Variants in PCDH15 observed in about 807,000 individuals in gnomAD.
The protein encoded by PCDH15 is protocadherin related 15.
A neutral mutation model predicts 178.5 loss-of-function variants in PCDH15; 129 were observed. The ratio of observed to expected loss-of-function variants is 0.72; its 90% CI spans 0.63 to 0.84. The LOEUF is 0.84. Ranked by LOEUF, PCDH15 falls within the 40% of genes least tolerant of loss-of-function variation. The pLI, the probability that PCDH15 is intolerant of heterozygous loss-of-function variation, is 0.00. For synonymous variants in PCDH15, 800 were observed against 732.0 expected, an observed-to-expected ratio of 1.09 and a Z score of -1.50; for missense variants, 2,230 against 2,099.9, an observed-to-expected ratio of 1.06 and a Z score of -1.21.
rs746314678 is a variant in PCDH15 at position 54,020,220 on chromosome 10, C to A, written c.2723G>T (p.Gly908Val). Reference protein sequence around the residue: ...AFDIYGTMPPGIATVTVIVKD... With the variant: ...AFDIYGTMPPVIATVTVIVKD... ...TACAATCACTGTGACAGTAGCAATA[C>A]CAGGTGGCATTGTTCCATAAATATC... is the stretch of plus-strand genomic sequence containing the variant. The change falls in exon 20 of 38, where the codon GGT (glycine) becomes GTT (valine). Residue 908 changes from glycine to valine, a missense_variant. Gly to Val is a moderately radical substitution (Grantham distance 109, BLOSUM62 -3). Coordinates refer to ENST00000644397, the MANE Select transcript of PCDH15 (RefSeq NM_001384140.1). The A allele has an allele frequency of 6.2e-7, 1 of 1,613,626 alleles. No homozygotes were observed. The highest frequency in any genetic ancestry group is 1.1e-5 in the South Asian group (1 of 91,066).
chr10:55,008,769 G>T (rs766562595), intron 2 of PCDH15, among the ~76,000 whole-genome samples: 3 of 152,008 alleles, frequency 2.0e-5, no homozygotes, highest in African/African-American at 4.8e-5. Context: ...CTGTGTTGGT[G>T]ATTAGTCAAA....
Position 53,823,310 on chromosome 10 carries a change from G to A in PCDH15, c.4368-3080C>T. ...CTTGTTGATGTTTCCTGTCTTCTGA[G>A]ACTGAGTTATTTCCCCTGCTTTGTT... On this transcript the variant is annotated intron_variant, in intron 32 of 37. Transcript: ENST00000644397. 6.2e-6 allele frequency: 10 copies of A among 1,613,900 alleles called. No homozygotes were observed. Among genetic ancestry groups the A allele is most frequent in the Non-Finnish European group, 8.5e-6 (10 of 1,179,868 alleles).
chr10:54,914,786 C>G (rs918166668), intron 2 of PCDH15, among the ~76,000 whole-genome samples: 2 of 152,232 alleles, frequency 1.3e-5, no homozygotes, highest in African/African-American at 4.8e-5. Flanking sequence ...TTGGGATAAC[C>G]AAAACCCTTC....
intron 16 of PCDH15, among the ~76,000 whole-genome samples, chr10:54,081,029 T>C (rs1026634962): frequency 6.6e-6 from 1 of 152,176 alleles, no homozygotes; most frequent in African/African-American, 2.4e-5. Context: ...ATTATCTATA[T>C]TCCTCCTTGT....
chr10:54,850,889 T>G (rs977812606), intron 3 of PCDH15, among the ~76,000 whole-genome samples: 2 of 152,156 alleles, frequency 1.3e-5, no homozygotes, highest in African/African-American at 4.8e-5. Context: ...ACTAAAATGT[T>G]GATTTCTAAC....
intron 3 of PCDH15, among the ~76,000 whole-genome samples, chr10:54,516,229 G>A (rs904494523): frequency 3.9e-5 from 6 of 152,128 alleles, no homozygotes; most frequent in African/African-American, 1.4e-4. Context: ...GACGAGTTGA[G>A]AGAAGAAGGC....
chr10:54,734,915 A>C (rs1361018258), intron 1 of PCDH15, among the ~76,000 whole-genome samples: 1 of 152,030 alleles, frequency 6.6e-6, no homozygotes, highest in Non-Finnish European at 1.5e-5. Context: ...TGGGGTAATG[A>C]AACTATTTCA....
At chr10:54,397,690 G>T (rs548383595) in intron 3 of PCDH15, among the ~76,000 whole-genome samples, 1 of 151,950 alleles carries the variant, frequency 6.6e-6, no homozygotes, top group South Asian at 2.1e-4. Flanking sequence ...AATGGCAAAG[G>T]TATAAATAAT....
chr10:53,971,954 G>C (rs2089731599), intron 21 of PCDH15, among the ~76,000 whole-genome samples: 1 of 88,160 alleles, frequency 1.1e-5, no homozygotes, highest in Non-Finnish European at 2.4e-5. Context: ...ATTTCATATG[G>C]AACCAAAAAA....
At chr10:54,430,110 C>A (rs1956791633) in intron 3 of PCDH15, among the ~76,000 whole-genome samples, 1 of 140,316 alleles carries the variant, frequency 7.1e-6, no homozygotes, top group Admixed American at 7.6e-5. Context: ...GGCTGGAGTG[C>A]AACTGTGTGA....
At chr10:55,323,379 T>A (rs902979553), upstream of PCDH15, among the ~76,000 whole-genome samples, 2 of 152,156 alleles carry the variant, frequency 1.3e-5, no homozygotes, top group African/African-American at 2.4e-5. Context: ...GAATGGTAGA[T>A]CCACTGACAG....
chr10:54,969,077 C>G (rs1838866731), intron 2 of PCDH15, among the ~76,000 whole-genome samples: 1 of 127,662 alleles, frequency 7.8e-6, no homozygotes, highest in Admixed American at 8.2e-5. Flanking sequence ...AGGTCTGTTT[C>G]TATTATTTTT....
chr10:54,180,257 T>G (rs1053266529), intron 13 of PCDH15, among the ~76,000 whole-genome samples: 3 of 152,194 alleles, frequency 2.0e-5, no homozygotes, highest in Admixed American at 6.5e-5. Context: ...GAGACATATA[T>G]AAAGTCAGAA....
At chr10:55,486,542 C>T (rs1183744446) in intron 2 of PCDH15, among the ~76,000 whole-genome samples, 1 of 151,408 alleles carries the variant, frequency 6.6e-6, no homozygotes, top group African/African-American at 2.4e-5. Context: ...TTTCTGGAGA[C>T]ATGAATTAGT....
chr10:54,611,363 A>G (rs935916051), intron 2 of PCDH15, among the ~76,000 whole-genome samples: 1 of 151,908 alleles, frequency 6.6e-6, no homozygotes, highest in Non-Finnish European at 1.5e-5. Flanking sequence ...ACAGAAGCAC[A>G]TATTCTCAAT....
chr10:55,467,852 G>C (rs1036888185), intron 2 of PCDH15, among the ~76,000 whole-genome samples: 1 of 149,944 alleles, frequency 6.7e-6, no homozygotes, highest in Non-Finnish European at 1.5e-5. Flanking sequence ...TGTAGTCCCA[G>C]CTACTCCCGG....
intron 11 of PCDH15, among the ~76,000 whole-genome samples, chr10:54,188,723 A>G (rs1167784458): frequency 6.6e-6 from 1 of 151,922 alleles, no homozygotes; most frequent in Admixed American, 6.6e-5. Flanking sequence ...ACTATGTTCA[A>G]AGATGAGAGT....
In PCDH15 at chr10:54,916,192, A is replaced by G. The variant is rs142644119; in HGVS notation, c.-79-18692T>C. Among the ~76,000 whole-genome samples the G allele has an allele frequency of 9.6e-3, 1,463 of 152,118 alleles. 14 individuals carry two copies. Among genetic ancestry groups the G allele is most frequent in the Middle Eastern group, 0.054 (16 of 294 alleles). ...CACCATATTGGTCAGGCTGGTCTCG[A>G]ACTCCTGACCACCCACCTCAGCCTC... is the stretch of plus-strand genomic sequence containing the variant. On this transcript the variant is annotated intron_variant, in intron 2 of 5. Transcript: ENST00000458638.
At chr10:55,157,956 T>A (rs77700382) in intron 2 of PCDH15, among the ~76,000 whole-genome samples, 142,511 of 151,594 alleles carry the variant, frequency 0.94, 67,253 homozygotes, top group East Asian at 1. Context: ...AAGGATAATT[T>A]AAAAAATAAA....
Sources: allele counts gnomAD v4.1 joint callset (sites outside exome capture counted in the v4.1 genomes callset), GRCh38; gene constraint gnomAD v4.1.1; transcripts MANE v1.5; gene names NCBI Gene and HGNC (gene_info 2026-07-23, HGNC 2026-07-21).